The following BNC1 variants were observed in gnomAD, a reference collection of about 807,000 sequenced individuals.
BNC1 encodes the protein zinc finger protein basonuclin-1.
BNC1 carries 8 observed loss-of-function variants against 66.5 expected under a neutral mutation model. The ratio of observed to expected loss-of-function variants is 0.12; its 90% CI spans 0.07 to 0.22. BNC1 has a LOEUF of 0.22. Ranked by LOEUF, BNC1 falls within the 10% of genes least tolerant of loss-of-function variation. BNC1 has a pLI of 1.00. For synonymous variants in BNC1, 454 were observed against 452.6 expected, an observed-to-expected ratio of 1.00 and a Z score of -0.04; for missense variants, 1,069 against 1,241.3, an observed-to-expected ratio of 0.86 and a Z score of 2.09.
At chr15:83,284,389 GGCCGCGCT>G in intron 1 of BNC1, 133 bp downstream of exon 1, 1 of 461,652 alleles carries the variant, frequency 2.2e-6, no homozygotes, top group Non-Finnish European at 2.9e-6. Flanking sequence ...CGCGCCTCGG[GGCCGCGCT>G]GCCGCGCAGG....
Position 83,264,556 on chromosome 15 carries a change from G to A in BNC1, c.695C>T (p.Pro232Leu), listed in dbSNP as rs1259833910. 1.9e-6 allele frequency: 3 copies of A among 1,614,152 alleles called. No homozygotes were observed. Among genetic ancestry groups the A allele is most frequent in the Non-Finnish European group, 2.5e-6 (3 of 1,180,032 alleles). Reference protein sequence around the residue: ...VDKGNPSSIHPFENLISNMTF... With the variant: ...VDKGNPSSIHLFENLISNMTF... ...CATGTTGCTTATGAGGTTCTCAAAGGGGTGTATACTGCTGGGGTTTCCTTT... is the reference window on the plus strand; with the variant it reads ...CATGTTGCTTATGAGGTTCTCAAAGAGGTGTATACTGCTGGGGTTTCCTTT... The change falls in exon 4 of 5, where the codon CCC (proline) becomes CTC (leucine). Residue 232 changes from proline to leucine, a missense_variant. Physicochemically the swap from Pro to Leu is moderately conservative, Grantham distance 98. Around this residue, in one of 7 missense-constraint regions of BNC1, gnomAD observed 181 missense variants for 181.5 expected, o/e 1.00. Transcript: ENST00000345382.
At chr15:83,283,240 G>A (rs1372111732) in intron 1 of BNC1, 4 of 1,535,586 alleles carry the variant, frequency 2.6e-6, no homozygotes, top group Non-Finnish European at 3.5e-6. Flanking sequence ...GGAGCTACGC[G>A]CTGATTAATA....
Position 83,258,253 on chromosome 15 carries a change from A to G in BNC1, c.2301-127T>C, listed in dbSNP as rs2038104963. 4.1e-6 allele frequency: 4 copies of G among 970,840 alleles called. No homozygotes were observed. The South Asian group carries it at 7.0e-5, about 17-fold the overall frequency. The allele number at this position is 970,840 out of a possible 1,614,324, so 60.1% of individuals were successfully genotyped here. Reference sequence around the variant, plus strand: ...ATGGGAGCACCGATGATAAGGGGGTAGGCCCCCATGGGATGTAACACCTGT... The same window carrying G: ...ATGGGAGCACCGATGATAAGGGGGTGGGCCCCCATGGGATGTAACACCTGT... On this transcript the variant is annotated intron_variant, in intron 4 of 4. Transcript: ENST00000345382.
At position 83,263,187 on chromosome 15, in the gene BNC1, G is replaced by A; in HGVS notation, c.2064C>T (p.Ser688=). ...GACAAGGAAAAGCCATTCCCCTGTT[G>A]GACAAAGCACTGAAGAGTCCCCCAG... is the stretch of plus-strand genomic sequence containing the variant. ...LLAGGLFSAL[S]NRGMAFPCLE... The change falls in exon 4 of 5, where the codon TCC becomes TCT. Residue 688 remains serine, a synonymous_variant. Transcript: ENST00000345382. 6.2e-7 allele frequency: 1 copy of A among 1,614,158 alleles called. No individual in the cohort carries two copies. The highest frequency in any genetic ancestry group is 8.5e-7 in the Non-Finnish European group (1 of 1,180,038).
At chr15:83,259,398 C>A (rs2038118006) in intron 4 of BNC1, among the ~76,000 whole-genome samples, 1 of 152,118 alleles carries the variant, frequency 6.6e-6, no homozygotes, top group East Asian at 1.9e-4. Flanking sequence ...TTTTTAAATC[C>A]CCAAAGACGT....
intron 1 of BNC1, 67 bp downstream of exon 1, chr15:83,284,463 G>A: frequency 1.9e-6 from 2 of 1,032,360 alleles, no homozygotes; most frequent in African/African-American, 3.5e-5. Flanking sequence ...CCGGAGCCCA[G>A]CGGCGTCCCG....
intron 1 of BNC1, among the ~76,000 whole-genome samples, chr15:83,276,060 A>C (rs535451676): frequency 2.0e-5 from 3 of 152,208 alleles, no homozygotes; most frequent in African/African-American, 4.8e-5. Context: ...GCCATGTAAA[A>C]ACTTCAGCTC....
intron 1 of BNC1, among the ~76,000 whole-genome samples, chr15:83,274,201 G>A (rs925015361): frequency 2.0e-5 from 3 of 152,084 alleles, no homozygotes; most frequent in Admixed American, 1.3e-4. Flanking sequence ...TGGCTAACAC[G>A]GCAAAACCCC....
intron 1 of BNC1, among the ~76,000 whole-genome samples, chr15:83,269,732 C>A (rs1595939228): frequency 6.6e-6 from 1 of 152,012 alleles, no homozygotes; most frequent in Non-Finnish European, 1.5e-5. Context: ...TAGTTGTATA[C>A]CCAAAATAAC....
intron 1 of BNC1, among the ~76,000 whole-genome samples, chr15:83,282,279 G>C (rs1462582203): frequency 2.0e-5 from 3 of 152,212 alleles, no homozygotes; most frequent in Non-Finnish European, 4.4e-5. Flanking sequence ...CAGTTGACTT[G>C]AAATAGTAAT....
chr15:83,262,370 C>T (rs1366472685), intron 4 of BNC1, among the ~76,000 whole-genome samples: 1 of 152,130 alleles, frequency 6.6e-6, no homozygotes, highest in Non-Finnish European at 1.5e-5. Flanking sequence ...GATTTCTTAT[C>T]CCACACCCTT....
At chr15:83,267,377 G>A (rs1388167186) in intron 2 of BNC1, among the ~76,000 whole-genome samples, 1 of 152,104 alleles carries the variant, frequency 6.6e-6, no homozygotes, top group Non-Finnish European at 1.5e-5. Flanking sequence ...ATAATCAAGA[G>A]AATAGCTAAT....
At chr15:83,274,620 T>G (rs1037684903) in intron 1 of BNC1, among the ~76,000 whole-genome samples, 1 of 152,178 alleles carries the variant, frequency 6.6e-6, no homozygotes, top group Non-Finnish European at 1.5e-5. Context: ...ATTTTAAACC[T>G]CACTACAGTA....
intron 1 of BNC1, chr15:83,283,406 C>T: frequency 7.8e-7 from 1 of 1,286,188 alleles, no homozygotes; most frequent in Non-Finnish European, 9.8e-7. Flanking sequence ...TCCTTCTCCG[C>T]CCGCGGCCCC....
At chr15:83,282,998 C>T (rs922268785) in intron 1 of BNC1, 1 of 1,069,052 alleles carries the variant, frequency 9.4e-7, no homozygotes, top group Admixed American at 2.3e-5. Flanking sequence ...ATGCCCTGGC[C>T]TTCAGAGGAC....
intron 1 of BNC1, chr15:83,283,532 T>A (rs1186947271): frequency 2.0e-6 from 2 of 984,784 alleles, no homozygotes; most frequent in Admixed American, 1.2e-4. Flanking sequence ...TTAAGGGAGC[T>A]CGAAGTCGGG....
At chr15:83,265,715 G>T (rs1174294547) in intron 3 of BNC1, among the ~76,000 whole-genome samples, 2 of 152,154 alleles carry the variant, frequency 1.3e-5, no homozygotes, top group African/African-American at 4.8e-5. Context: ...GGTCTTTTGA[G>T]TTAAAAAGAA....
chr15:83,264,086 T>C lies in BNC1; in HGVS notation c.1165A>G (p.Ile389Val). The C allele has an allele frequency of 6.2e-7, 1 of 1,614,194 alleles. No homozygotes were observed. Among genetic ancestry groups the C allele is most frequent in the Non-Finnish European group, 8.5e-7 (1 of 1,180,046 alleles). The change falls in exon 4 of 5, where the codon ATC becomes GTC. Residue 389 changes from isoleucine to valine, a missense_variant. By Grantham distance (29) the Ile-to-Val change is conservative. Around this residue, in one of 7 missense-constraint regions of BNC1, gnomAD observed 82 missense variants for 136.3 expected, o/e 0.60. Coordinates refer to ENST00000345382, the MANE Select transcript of BNC1 (RefSeq NM_001717.4). ...VHLKIKHKCT[I>V]EGCNMVFSSL... ...CTGAACACCATGTTACACCCTTCGA[T>C]GGTGCACTTATGCTTGATCTTCAAG...
At chr15:83,277,705 A>C (rs1666511286) in intron 1 of BNC1, among the ~76,000 whole-genome samples, 1 of 152,150 alleles carries the variant, frequency 6.6e-6, no homozygotes, top group Admixed American at 6.5e-5. Flanking sequence ...AAAACAAGAC[A>C]TCTTTTAAAG....
Sources: allele counts gnomAD v4.1 joint callset (sites outside exome capture counted in the v4.1 genomes callset), GRCh38; gene constraint gnomAD v4.1.1; regional missense constraint gnomAD v4.1.1; transcripts MANE v1.5; gene names NCBI Gene and HGNC (gene_info 2026-07-23, HGNC 2026-07-21).